The following GALR1 variants were observed in gnomAD, a reference collection of about 807,000 sequenced individuals.
GALR1 encodes the protein galanin receptor type 1.
In GALR1, 11 loss-of-function variants were observed where a neutral mutation model predicts 17.9. The observed-to-expected ratio is 0.62, with a 90% CI of 0.39 to 1.02. The LOEUF (loss-of-function observed/expected upper bound fraction) is 1.02, where lower values mean the gene tolerates loss of function less well. GALR1 is among the 50% of genes least tolerant of loss of function. GALR1 has a pLI of 0.01. For synonymous variants in GALR1, 206 were observed against 205.7 expected, an observed-to-expected ratio of 1.00 and a Z score of -0.01; for missense variants, 441 against 456.9, an observed-to-expected ratio of 0.97 and a Z score of 0.32.
chr18:77,251,346 G>A, intron 1 of GALR1, 132 bp downstream of exon 1: 1 of 1,350,612 alleles, frequency 7.4e-7, no homozygotes, highest in Non-Finnish European at 9.9e-7. Flanking sequence ...CACTCTGGCG[G>A]CGCTGGTACG....
At chr18:77,251,628 G>C (rs1342436729) in intron 1 of GALR1, among the ~76,000 whole-genome samples, 1 of 152,138 alleles carries the variant, frequency 6.6e-6, no homozygotes, top group Non-Finnish European at 1.5e-5. Context: ...GATCAGCTGC[G>C]CGGGGAGGTT....
Position 77,252,756 on chromosome 18 carries a change from A to G in GALR1, c.666+1542A>G, listed in dbSNP as rs144971471. 3.3e-3 allele frequency among the ~76,000 whole-genome samples: 506 copies of G among 151,744 alleles called. 2 individuals are homozygous for G. The highest frequency in any genetic ancestry group is 0.011 in the African/African-American group (468 of 41,300). On this transcript the variant is annotated intron_variant, in intron 1 of 2. Transcript: ENST00000299727. ...CCAGCTACTCCGGAGGCTGAGACAGAAGAATTGTTTGAACCCAAGTGACGG... is the reference window on the plus strand; with the variant it reads ...CCAGCTACTCCGGAGGCTGAGACAGGAGAATTGTTTGAACCCAAGTGACGG...
intron 2 of GALR1, among the ~76,000 whole-genome samples, chr18:77,257,036 A>G (rs925474001): frequency 1.3e-5 from 2 of 152,238 alleles, no homozygotes; most frequent in African/African-American, 4.8e-5. Flanking sequence ...TGTAATAATA[A>G]CATCTTAAAA....
At chr18:77,266,341 G>A (rs1912943804) in intron 2 of GALR1, among the ~76,000 whole-genome samples, 1 of 152,102 alleles carries the variant, frequency 6.6e-6, no homozygotes, top group South Asian at 2.1e-4. Context: ...CAGTTTCTAG[G>A]AAGTTCCAAA....
chr18:77,263,579 C>T (rs1263820764), intron 2 of GALR1, among the ~76,000 whole-genome samples: 1 of 152,112 alleles, frequency 6.6e-6, no homozygotes, highest in East Asian at 1.9e-4. Flanking sequence ...TGGTGCCTCT[C>T]GATAGGGAGC....
At chr18:77,267,655 C>T (rs1032910097) in intron 2 of GALR1, among the ~76,000 whole-genome samples, 10 of 152,168 alleles carry the variant, frequency 6.6e-5, no homozygotes, top group African/African-American at 1.9e-4. Flanking sequence ...ACTAGACTCC[C>T]GTAATTAAAG....
chr18:77,267,130 C>T (rs185775509), intron 2 of GALR1, among the ~76,000 whole-genome samples: 105 of 152,346 alleles, frequency 6.9e-4, no homozygotes, highest in Non-Finnish European at 1.2e-3. Context: ...CTGAAGCCAT[C>T]GAACAGAGGA....
At chr18:77,259,504 A>G (rs1459517455) in intron 2 of GALR1, among the ~76,000 whole-genome samples, 4 of 123,598 alleles carry the variant, frequency 3.2e-5, no homozygotes, top group African/African-American at 1.3e-4. Context: ...GGTGGTGGTG[A>G]TGGTGGTGGG....
chr18:77,252,926 C>CCACCACCAT (rs1912477083), intron 1 of GALR1, among the ~76,000 whole-genome samples: 5 of 45,958 alleles, frequency 1.1e-4, no homozygotes, highest in African/African-American at 2.9e-4. Context: ...ACCACCATCA[C>CCACCACCAT]CACCACCACC....
At chr18:77,255,613 G>A (rs577360454) in intron 1 of GALR1, among the ~76,000 whole-genome samples, 5 of 152,206 alleles carry the variant, frequency 3.3e-5, no homozygotes, top group African/African-American at 9.7e-5. Flanking sequence ...TGGCACAAAC[G>A]CTGGCAATAT....
At chr18:77,259,743 G>C (rs913065296) in intron 2 of GALR1, among the ~76,000 whole-genome samples, 2 of 151,870 alleles carry the variant, frequency 1.3e-5, no homozygotes, top group Non-Finnish European at 2.9e-5. Context: ...GTGTGTCTAA[G>C]AAAGAGATGG....
At chr18:77,263,884 C>T (rs1233879727) in intron 2 of GALR1, among the ~76,000 whole-genome samples, 8 of 152,032 alleles carry the variant, frequency 5.3e-5, no homozygotes, top group Non-Finnish European at 1.2e-4. Context: ...TGCCTGTAAT[C>T]CCAGCACTTT....
chr18:77,258,911 AGTGGTGGTGATGATGGTCATG>A (rs1252143621), intron 2 of GALR1, among the ~76,000 whole-genome samples: 2 of 70,754 alleles, frequency 2.8e-5, no homozygotes, highest in Admixed American at 1.7e-4. Flanking sequence ...GGTGGGCGGT[AGTGGTGGTGATGATGGTCATG>A]GTGGTGATGA....
At position 77,275,745 on chromosome 18, in the gene GALR1, T is replaced by A. The variant is rs1913143256; in HGVS notation, c.*6843T>A. On this transcript the variant is annotated 3_prime_UTR_variant, in exon 3 of 3. Coordinates refer to ENST00000299727, the MANE Select transcript of GALR1 (RefSeq NM_001480.4). ...TGTCAGGATCACCTAGCTTTGACGA[T>A]GAGAGTGTTTTTTAAAACGGAAACC... is the stretch of plus-strand genomic sequence containing the variant. 6.6e-6 allele frequency: 1 copy of A among 152,184 alleles called. No individual in the cohort carries two copies. Among genetic ancestry groups the A allele is most frequent in the Admixed American group, 6.5e-5 (1 of 15,278 alleles). 9.4% of individuals were successfully genotyped at this position (152,184 alleles called of 1,614,324 possible). A position where few individuals can be genotyped will look rare whatever the true frequency, so the allele number is the denominator to read the frequency against.
intron 2 of GALR1, among the ~76,000 whole-genome samples, chr18:77,267,325 C>A (rs759952902): frequency 5.9e-5 from 9 of 152,336 alleles, no homozygotes; most frequent in Non-Finnish European, 1.0e-4. Context: ...AGTGCATGGG[C>A]TGGGGAGCAT....
At chr18:77,252,980 T>TCACCACCACTACCAC (rs1912494442) in intron 1 of GALR1, among the ~76,000 whole-genome samples, 1 of 23,010 alleles carries the variant, frequency 4.3e-5, no homozygotes, top group Non-Finnish European at 8.9e-5. Context: ...ATCACCACCA[T>TCACCACCACTACCAC]CACCACCATC....
intron 2 of GALR1, among the ~76,000 whole-genome samples, chr18:77,264,701 T>C (rs1385262353): frequency 6.6e-6 from 1 of 152,126 alleles, no homozygotes; most frequent in Non-Finnish European, 1.5e-5. Flanking sequence ...TGGGGAGGCC[T>C]CAGGAAACTT....
chr18:77,254,583 T>G (rs1180018505), intron 1 of GALR1, among the ~76,000 whole-genome samples: 1 of 152,216 alleles, frequency 6.6e-6, no homozygotes, highest in Non-Finnish European at 1.5e-5. Flanking sequence ...TGACCAGTGT[T>G]GTCCTGTGGT....
intron 1 of GALR1, 32 bp downstream of exon 1, chr18:77,251,246 A>G: frequency 1.3e-6 from 2 of 1,568,354 alleles, no homozygotes; most frequent in Non-Finnish European, 1.7e-6. Context: ...GAGACGCGCG[A>G]GGGAGGGCGG....
Sources: gnomAD v4.1 joint callset for allele counts (sites outside exome capture counted in the v4.1 genomes callset) on GRCh38, gnomAD v4.1.1 for gene constraint, MANE v1.5 for transcripts, NCBI Gene and HGNC (gene_info 2026-07-23, HGNC 2026-07-21) for gene names.